SLC9A9: variants seen among roughly 807,000 people sequenced by gnomAD.
SLC9A9 encodes solute carrier family 9 member A9, also known as sodium/hydrogen exchanger 9.
In SLC9A9, 62 loss-of-function variants were observed where a neutral mutation model predicts 77.8. The ratio of observed to expected loss-of-function variants is 0.80; its 90% CI spans 0.65 to 0.98. The LOEUF is 0.98. SLC9A9 is among the 50% of genes least tolerant of loss of function. The pLI, the probability that SLC9A9 is intolerant of heterozygous loss-of-function variation, is 0.00. For missense variants in SLC9A9, 775 were observed against 774.9 expected, an observed-to-expected ratio of 1.00 and a Z score of 0.00; for synonymous variants, 320 against 283.5, an observed-to-expected ratio of 1.13 and a Z score of -1.29.
At chr3:143,785,845 C>CTTTTTTTT (rs57552730) in intron 4 of SLC9A9, among the ~76,000 whole-genome samples, 20 of 112,988 alleles carry the variant, frequency 1.8e-4, no homozygotes, top group Non-Finnish European at 3.3e-4. Flanking sequence ...TTGAATTTTT[C>CTTTTTTTT]TTTTTTTTTT....
chr3:143,377,251 C>T lies in SLC9A9; in HGVS notation c.1524+4809G>A, dbSNP rs76332686. The stretch of plus-strand genomic sequence containing the variant: ...CAAAAGAACAAATACTTTTATTATT[C>T]ACCCATGGCCTCTTCCAGGCTTCAA... On this transcript the variant is annotated intron_variant, in intron 13 of 15. Coordinates refer to ENST00000316549, the MANE Select transcript of SLC9A9 (RefSeq NM_173653.4). Among the ~76,000 whole-genome samples, 1,173 of 152,306 alleles carry T rather than the reference C, an allele frequency of 7.7e-3. 15 individuals are homozygous for T. Among genetic ancestry groups the T allele is most frequent in the African/African-American group, 0.026 (1,098 of 41,552 alleles).
At chr3:143,389,286 T>TG (rs1296959564) in intron 12 of SLC9A9, among the ~76,000 whole-genome samples, 1 of 152,012 alleles carries the variant, frequency 6.6e-6, no homozygotes, top group Non-Finnish European at 1.5e-5. Flanking sequence ...ACTGGAGGCA[T>TG]GGAGGTCATT....
At chr3:143,290,615 C>T (rs774723713) in intron 14 of SLC9A9, among the ~76,000 whole-genome samples, 2 of 152,150 alleles carry the variant, frequency 1.3e-5, no homozygotes, top group Non-Finnish European at 2.9e-5. Context: ...CTTGCTAACA[C>T]CCCCCAAATT....
At chr3:143,457,614 AG>A (rs1408917660) in intron 12 of SLC9A9, among the ~76,000 whole-genome samples, 5 of 152,022 alleles carry the variant, frequency 3.3e-5, no homozygotes, top group Non-Finnish European at 1.5e-5. Flanking sequence ...TTTCTTTCTG[AG>A]CGCTGCTTTA....
chr3:143,586,033 A>G (rs2037535054), intron 6 of SLC9A9, among the ~76,000 whole-genome samples: 1 of 152,206 alleles, frequency 6.6e-6, no homozygotes, highest in African/African-American at 2.4e-5. Context: ...AGGGAAGAGG[A>G]AGAACTTTCA....
chr3:143,478,370 C>A (rs1220900631), intron 11 of SLC9A9, among the ~76,000 whole-genome samples: 2 of 152,172 alleles, frequency 1.3e-5, no homozygotes, highest in Non-Finnish European at 2.9e-5. Context: ...ACAGGCAGGG[C>A]ACACACTTGC....
intron 9 of SLC9A9, among the ~76,000 whole-genome samples, chr3:143,497,158 T>C (rs183979654): frequency 3.9e-5 from 6 of 152,336 alleles, no homozygotes; most frequent in Non-Finnish European, 5.9e-5. Flanking sequence ...AGCTATTTAG[T>C]TTTTTAACAT....
intron 13 of SLC9A9, among the ~76,000 whole-genome samples, chr3:143,374,200 C>T (rs774063668): frequency 2.4e-4 from 37 of 151,682 alleles, no homozygotes; most frequent in Non-Finnish European, 3.7e-4. Flanking sequence ...CCGAGGTGGG[C>T]GGATCACGAG....
At chr3:143,331,075 T>G (rs2031753089) in intron 14 of SLC9A9, among the ~76,000 whole-genome samples, 1 of 152,168 alleles carries the variant, frequency 6.6e-6, no homozygotes, top group Non-Finnish European at 1.5e-5. Context: ...CATTTTTTAT[T>G]CAAGTGGGAT....
chr3:143,359,904 A>G (rs972091259), intron 14 of SLC9A9, among the ~76,000 whole-genome samples: 6 of 152,084 alleles, frequency 3.9e-5, no homozygotes, highest in African/African-American at 1.2e-4. Flanking sequence ...ACCAACAAAA[A>G]CCTGTAACCT....
intron 12 of SLC9A9, among the ~76,000 whole-genome samples, chr3:143,397,702 G>T (rs1335861083): frequency 6.6e-6 from 1 of 152,144 alleles, no homozygotes; most frequent in African/African-American, 2.4e-5. Context: ...CCATGGGTCA[G>T]CAGTGAGATC....
At chr3:143,475,688 A>G (rs968554726) in intron 11 of SLC9A9, among the ~76,000 whole-genome samples, 1 of 151,682 alleles carries the variant, frequency 6.6e-6, no homozygotes, top group Non-Finnish European at 1.5e-5. Flanking sequence ...GGTACTCGGG[A>G]GGCTGAGGCA....
chr3:143,681,929 A>C (rs1933111869), intron 5 of SLC9A9, among the ~76,000 whole-genome samples: 1 of 152,182 alleles, frequency 6.6e-6, no homozygotes, highest in Non-Finnish European at 1.5e-5. Context: ...CATGCAGGCT[A>C]ATGTCAACTA....
intron 14 of SLC9A9, among the ~76,000 whole-genome samples, chr3:143,275,006 C>T (rs889688263): frequency 1.3e-5 from 2 of 152,156 alleles, no homozygotes; most frequent in African/African-American, 4.8e-5. Flanking sequence ...TGCCTACCTC[C>T]AGGCCTTTTG....
Position 143,693,275 on chromosome 3 carries a change from A to G in SLC9A9, c.566T>C (p.Ile189Thr). Residue 189 changes from isoleucine to threonine, a missense_variant, in exon 5 of 16, where the codon ATA becomes ACA. By Grantham distance (89) the Ile-to-Thr change is moderately conservative. Transcript: ENST00000316549. ...LIMYGFVKAM[I>T]HAGQLKNGDF... ...TCCATTTTTCAGCTGGCCAGCATGT[A>G]TCATAGCCTTCACAAAACCATACAT... 3.1e-6 allele frequency: 5 copies of G among 1,613,388 alleles called. No homozygotes were observed. The highest frequency in any genetic ancestry group is 4.2e-6 in the Non-Finnish European group (5 of 1,179,550).
At chr3:143,741,297 T>A (rs1935067503) in intron 4 of SLC9A9, among the ~76,000 whole-genome samples, 1 of 151,976 alleles carries the variant, frequency 6.6e-6, no homozygotes, top group South Asian at 2.1e-4. Flanking sequence ...CCCCATTATG[T>A]CAAAGGGGCA....
At chr3:143,477,368 C>T (rs1318894247) in intron 11 of SLC9A9, among the ~76,000 whole-genome samples, 3 of 146,250 alleles carry the variant, frequency 2.1e-5, no homozygotes, top group Admixed American at 2.0e-4. Flanking sequence ...CCGCCGCCCC[C>T]TCCCGCCACC....
intron 14 of SLC9A9, among the ~76,000 whole-genome samples, chr3:143,300,671 T>C (rs935974807): frequency 6.6e-6 from 1 of 152,234 alleles, no homozygotes; most frequent in Non-Finnish European, 1.5e-5. Flanking sequence ...TAAACTCTAT[T>C]GTACATCAGA....
Position 143,693,325 on chromosome 3 carries a change from A to G in SLC9A9, c.534-18T>C, listed in dbSNP as rs778095725. On this transcript the variant is annotated intron_variant, in intron 4 of 15. Coordinates refer to ENST00000316549, the MANE Select transcript of SLC9A9 (RefSeq NM_173653.4). ...TAATTAACCTGTTGAAGAGAAAAAC[A>G]TGACCTTCAAACATCAAGATGAACC... The G allele has an allele frequency of 2.5e-6, 4 of 1,572,702 alleles. No individual in the cohort carries two copies. The highest frequency in any genetic ancestry group is 3.5e-6 in the Non-Finnish European group (4 of 1,142,626).
Sources: allele counts gnomAD v4.1 joint callset (sites outside exome capture counted in the v4.1 genomes callset), GRCh38; gene constraint gnomAD v4.1.1; transcripts MANE v1.5; gene names NCBI Gene and HGNC (gene_info 2026-07-23, HGNC 2026-07-21).